The following PBX1 variants were observed in gnomAD, a reference collection of about 807,000 sequenced individuals.
PBX1 encodes the protein PBX homeobox 1.
Under a neutral mutation model 53.4 loss-of-function variants are expected in PBX1, and 6 were observed. The ratio of observed to expected loss-of-function variants is 0.11; its 90% CI spans 0.06 to 0.22. The LOEUF is 0.22. PBX1 is among the 10% of genes least tolerant of loss of function. The pLI is 1.00. For missense variants in PBX1, 251 were observed against 551.4 expected (o/e 0.46, Z 5.46); for synonymous variants, 204 against 212.3 (o/e 0.96, Z 0.34).
intron 2 of PBX1, among the ~76,000 whole-genome samples, chr1:164,662,469 C>G (rs994409166): frequency 2.6e-5 from 4 of 152,154 alleles, no homozygotes; most frequent in Non-Finnish European, 1.5e-5. Flanking sequence ...CCAGTGCATC[C>G]TTTGCATTGC....
chr1:164,806,508 A>C (rs1367970915), intron 4 of PBX1, among the ~76,000 whole-genome samples: 3 of 152,060 alleles, frequency 2.0e-5, no homozygotes, highest in Admixed American at 2.0e-4. Context: ...TTACATGGGG[A>C]TAGAATGGAA....
At chr1:164,645,485 G>C (rs1056245125) in intron 2 of PBX1, among the ~76,000 whole-genome samples, 11 of 151,856 alleles carry the variant, frequency 7.2e-5, no homozygotes, top group Admixed American at 2.6e-4. Context: ...TAGGGAATCT[G>C]AACAAACTCC....
At chr1:164,739,261 A>T (rs1352545) in intron 2 of PBX1, among the ~76,000 whole-genome samples, 8,609 of 152,284 alleles carry the variant, frequency 0.057, 258 homozygotes, top group South Asian at 0.12. Context: ...TCATTTGCCT[A>T]AAATGGGCTC....
chr1:164,636,350 A>G (rs1010906870), intron 2 of PBX1, among the ~76,000 whole-genome samples: 6 of 152,154 alleles, frequency 3.9e-5, no homozygotes, highest in African/African-American at 1.4e-4. Context: ...AAGGCATCTT[A>G]TTTCAGCTTG....
intron 2 of PBX1, among the ~76,000 whole-genome samples, chr1:164,766,721 T>C (rs1667072746): frequency 6.9e-6 from 1 of 144,064 alleles, no homozygotes; most frequent in Non-Finnish European, 1.5e-5. Flanking sequence ...CCTTTTCTTT[T>C]ATTTATTTAT....
chr1:164,603,097 T>A (rs1656289981), intron 2 of PBX1, among the ~76,000 whole-genome samples: 1 of 152,040 alleles, frequency 6.6e-6, no homozygotes, highest in South Asian at 2.1e-4. Context: ...ACTCCACCCC[T>A]ACCCCTTTGG....
intron 2 of PBX1, among the ~76,000 whole-genome samples, chr1:164,698,744 G>T (rs1662934082): frequency 6.6e-6 from 1 of 152,138 alleles, no homozygotes; most frequent in Admixed American, 6.5e-5. Flanking sequence ...CCTAGCCTGT[G>T]CCAGACTATA....
Position 164,849,695 on chromosome 1 carries a change from A to G in PBX1, c.*3019A>G, listed in dbSNP as rs1671740045. 1 of 354,954 alleles carries G rather than the reference A, an allele frequency of 2.8e-6. No homozygotes were observed. The highest frequency in any genetic ancestry group is 5.1e-6 in the Non-Finnish European group (1 of 194,458). The allele number at this position is 354,954 out of a possible 1,614,324, so 22.0% of individuals were successfully genotyped here. On this transcript the variant is annotated 3_prime_UTR_variant, in exon 9 of 9. Transcript: ENST00000420696. ...CCATCCTCCCTCTGGCATGGAATTG[A>G]CGCCCGTGCAGTACATTTGCCAAGT...
At chr1:164,637,453 C>G (rs910786180) in intron 2 of PBX1, among the ~76,000 whole-genome samples, 1 of 152,180 alleles carries the variant, frequency 6.6e-6, no homozygotes, top group African/African-American at 2.4e-5. Context: ...GCCAGGGGCT[C>G]CTGAGTTCAA....
intron 2 of PBX1, among the ~76,000 whole-genome samples, chr1:164,576,492 G>T (rs973224379): frequency 3.9e-5 from 6 of 152,196 alleles, no homozygotes; most frequent in African/African-American, 1.4e-4. Context: ...CTCAGACTCT[G>T]CCCTTGAGTT....
At chr1:164,584,363 AAGAGAG>A (rs61298874) in intron 2 of PBX1, among the ~76,000 whole-genome samples, 3 of 147,916 alleles carry the variant, frequency 2.0e-5, no homozygotes, top group African/African-American at 7.5e-5. Flanking sequence ...GAGAGAGAGA[AAGAGAG>A]AGAGAGAGAG....
intron 2 of PBX1, among the ~76,000 whole-genome samples, chr1:164,878,635 C>T (rs1211499134): frequency 6.6e-6 from 1 of 151,536 alleles, no homozygotes; most frequent in East Asian, 1.9e-4. Flanking sequence ...TATGCAATGA[C>T]ATCACCCACT....
intron 2 of PBX1, among the ~76,000 whole-genome samples, chr1:164,673,051 G>T (rs1192045317): frequency 1.3e-5 from 2 of 152,180 alleles, no homozygotes; most frequent in African/African-American, 4.8e-5. Flanking sequence ...GTGTCCATGT[G>T]TATGTAATAT....
intron 2 of PBX1, among the ~76,000 whole-genome samples, chr1:164,628,487 C>T (rs1255142688): frequency 6.6e-6 from 1 of 152,198 alleles, no homozygotes; most frequent in East Asian, 1.9e-4. Flanking sequence ...TGGCTTTATG[C>T]ACCTGGCTAG....
chr1:164,632,937 G>A (rs1658501474), intron 2 of PBX1, among the ~76,000 whole-genome samples: 1 of 152,148 alleles, frequency 6.6e-6, no homozygotes, highest in Non-Finnish European at 1.5e-5. Flanking sequence ...TTAAGACCTG[G>A]AAGAGACTTT....
chr1:164,662,449 G>A (rs530969721), intron 2 of PBX1, among the ~76,000 whole-genome samples: 18 of 152,320 alleles, frequency 1.2e-4, no homozygotes, highest in African/African-American at 3.1e-4. Context: ...CCTTGAAGCT[G>A]TGGGAAGCCC....
At chr1:164,626,319 A>G (rs2101867165) in intron 2 of PBX1, among the ~76,000 whole-genome samples, 1 of 152,280 alleles carries the variant, frequency 6.6e-6, no homozygotes, top group East Asian at 1.9e-4. Flanking sequence ...TCTGGTTCCT[A>G]TTCCATTGCC....
chr1:164,814,746 AAAAC>A (rs1029948212), intron 6 of PBX1: 19 of 154,726 alleles, frequency 1.2e-4, no homozygotes, highest in South Asian at 4.0e-4. Flanking sequence ...CTCCAAAAAC[AAAAC>A]AAACAAACAA....
chr1:164,594,129 C>T (rs546753339), intron 2 of PBX1, among the ~76,000 whole-genome samples: 2 of 151,974 alleles, frequency 1.3e-5, no homozygotes, highest in African/African-American at 4.8e-5. Flanking sequence ...TGGCATTATC[C>T]CCATTTTAGA....
Sources: allele counts gnomAD v4.1 joint callset (sites outside exome capture counted in the v4.1 genomes callset), GRCh38; gene constraint gnomAD v4.1.1; transcripts MANE v1.5; gene names NCBI Gene and HGNC (gene_info 2026-07-23, HGNC 2026-07-21).